The following HIVEP3 variants were observed in gnomAD, a reference collection of about 807,000 sequenced individuals.
HIVEP3 encodes HIVEP zinc finger 3.
HIVEP3 carries 49 observed loss-of-function variants against 152.8 expected under a neutral mutation model. The ratio of observed to expected loss-of-function variants is 0.32; its 90% CI spans 0.26 to 0.41. The LOEUF is 0.41. Among genes scored for constraint, HIVEP3 ranks in the 10% least tolerant of loss-of-function variants. The pLI is 1.00. For synonymous variants in HIVEP3, 1,269 were observed against 1,289.0 expected, an observed-to-expected ratio of 0.98 and a Z score of 0.33; for missense variants, 2,790 against 3,103.3, an observed-to-expected ratio of 0.90 and a Z score of 2.40.
chr1:41,565,907 A>T (rs1383066987), intron 5 of HIVEP3, among the ~76,000 whole-genome samples: 1 of 152,156 alleles, frequency 6.6e-6, no homozygotes, highest in Non-Finnish European at 1.5e-5. Context: ...ATACTCAGAC[A>T]CTCAGTCTGC....
chr1:41,721,750 A>C (rs979504770), intron 1 of HIVEP3, among the ~76,000 whole-genome samples: 1 of 152,170 alleles, frequency 6.6e-6, no homozygotes, highest in Non-Finnish European at 1.5e-5. Context: ...TGAGTCATGG[A>C]CTCACAATTG....
At chr1:41,946,768 C>T (rs894877540) in intron 1 of HIVEP3, among the ~76,000 whole-genome samples, 1 of 152,100 alleles carries the variant, frequency 6.6e-6, no homozygotes, top group Admixed American at 6.5e-5. Flanking sequence ...GCCTCCTTTC[C>T]CTACCAAAGG....
At chr1:41,766,123 C>A (rs141841109) in intron 1 of HIVEP3, among the ~76,000 whole-genome samples, 31 of 152,360 alleles carry the variant, frequency 2.0e-4, no homozygotes, top group Non-Finnish European at 3.5e-4. Context: ...GGTATGTACT[C>A]TCTGGCTGCA....
At chr1:41,605,891 C>T (rs1644816674) in intron 3 of HIVEP3, among the ~76,000 whole-genome samples, 1 of 152,136 alleles carries the variant, frequency 6.6e-6, no homozygotes, top group Non-Finnish European at 1.5e-5. Context: ...TCCCCATAAA[C>T]ATTTTTTGAG....
At chr1:41,527,497 ACACACACT>A (rs1205594790) in intron 5 of HIVEP3, among the ~76,000 whole-genome samples, 2 of 76,018 alleles carry the variant, frequency 2.6e-5, no homozygotes, top group South Asian at 5.0e-4. Flanking sequence ...CACCACCCTC[ACACACACT>A]CACACACCCC....
intron 1 of HIVEP3, among the ~76,000 whole-genome samples, chr1:41,942,641 C>A (rs558365575): frequency 1.3e-5 from 2 of 152,250 alleles, no homozygotes; most frequent in African/African-American, 4.8e-5. Flanking sequence ...ATGATACATG[C>A]ACAAAGCTAT....
intron 1 of HIVEP3, among the ~76,000 whole-genome samples, chr1:41,888,122 G>A (rs573089813): frequency 2.7e-4 from 39 of 147,030 alleles, no homozygotes; most frequent in South Asian, 6.5e-4. Flanking sequence ...TGCAAGCTCC[G>A]CCTCCTGGGT....
At chr1:41,920,809 A>C (rs372420916), upstream of HIVEP3, among the ~76,000 whole-genome samples, 142 of 152,338 alleles carry the variant, frequency 9.3e-4, no homozygotes, top group African/African-American at 3.1e-3. Flanking sequence ...TTTAAGGGTT[A>C]AATGATCTTT....
At chr1:41,762,630 A>T (rs1044125332) in intron 1 of HIVEP3, among the ~76,000 whole-genome samples, 2 of 152,196 alleles carry the variant, frequency 1.3e-5, no homozygotes, top group South Asian at 4.1e-4. Flanking sequence ...CAAGCCCCAC[A>T]CAAAGCCTGC....
At chr1:41,865,563 T>C (rs958286518) in intron 1 of HIVEP3, 1 of 152,162 alleles carries the variant, frequency 6.6e-6, no homozygotes, top group African/African-American at 2.4e-5. Flanking sequence ...AAGAAGGGCG[T>C]CTCTGAGTGC....
chr1:41,976,238 G>A (rs115390930), intron 1 of HIVEP3, among the ~76,000 whole-genome samples: 5 of 152,322 alleles, frequency 3.3e-5, no homozygotes, highest in African/African-American at 1.2e-4. Flanking sequence ...AAATACGTTT[G>A]TGGCGTCATT....
At chr1:41,989,464 C>T (rs930144676) in intron 1 of HIVEP3, among the ~76,000 whole-genome samples, 1 of 152,072 alleles carries the variant, frequency 6.6e-6, no homozygotes, top group Non-Finnish European at 1.5e-5. Context: ...AGGAAGACTG[C>T]ACTACACAAG....
chr1:41,798,489 C>A (rs746090388), intron 1 of HIVEP3, among the ~76,000 whole-genome samples: 4 of 152,292 alleles, frequency 2.6e-5, no homozygotes, highest in African/African-American at 9.6e-5. Flanking sequence ...TGATGCCACA[C>A]CAGGCTGTGC....
chr1:41,790,388 T>C (rs1024265357), intron 1 of HIVEP3, among the ~76,000 whole-genome samples: 6 of 152,202 alleles, frequency 3.9e-5, no homozygotes, highest in African/African-American at 1.4e-4. Flanking sequence ...GCTAGTACCA[T>C]GTTTCTTGTA....
chr1:41,706,842 A>C lies in HIVEP3; in HGVS notation c.-800-5847T>G, dbSNP rs534063401. Among the ~76,000 whole-genome samples, 27 of 152,350 alleles carry C rather than the reference A, an allele frequency of 1.8e-4. No individual in the cohort carries two copies. In the South Asian group the frequency reaches 5.4e-3, roughly 30 times the overall value. ...GTTCTGAGGTGTTGCCCACATAGAC[A>C]GCAAGTCCTGGTTATTGGTCCTCTA... is the stretch of plus-strand genomic sequence containing the variant. On this transcript the variant is annotated intron_variant, in intron 1 of 8. Transcript: ENST00000372583.
intron 3 of HIVEP3, among the ~76,000 whole-genome samples, chr1:41,617,485 T>A (rs1372142834): frequency 6.6e-6 from 1 of 152,256 alleles, no homozygotes. Context: ...TCAAGTATTC[T>A]GTTACCCAGT....
intron 1 of HIVEP3, among the ~76,000 whole-genome samples, chr1:41,966,649 T>TA: frequency 6.6e-6 from 1 of 151,258 alleles, no homozygotes; most frequent in East Asian, 1.9e-4. Context: ...AATTTTTTTT[T>TA]TTTTTGTATT....
chr1:41,718,138 G>A (rs188777671), intron 1 of HIVEP3, among the ~76,000 whole-genome samples: 2 of 152,306 alleles, frequency 1.3e-5, no homozygotes, highest in Admixed American at 1.3e-4. Context: ...GCCCTTCAGC[G>A]GCATCCAGCC....
chr1:41,755,796 C>G (rs1392360901), intron 1 of HIVEP3, among the ~76,000 whole-genome samples: 1 of 152,156 alleles, frequency 6.6e-6, no homozygotes, highest in African/African-American at 2.4e-5. Context: ...GCTATTAAAA[C>G]AGCTAAAATT....
Sources: gnomAD v4.1 joint callset for allele counts (sites outside exome capture counted in the v4.1 genomes callset) on GRCh38, gnomAD v4.1.1 for gene constraint, MANE v1.5 for transcripts, NCBI Gene and HGNC (gene_info 2026-07-23, HGNC 2026-07-21) for gene names.